PHF21B: variants seen among roughly 807,000 people sequenced by gnomAD.
PHF21B encodes PHD finger protein 21B.
In PHF21B, 22 loss-of-function variants were observed where a neutral mutation model predicts 62.2. That is an observed-to-expected ratio of 0.35 (90% CI 0.25 to 0.51). The LOEUF (loss-of-function observed/expected upper bound fraction) is 0.51, where lower values mean the gene tolerates loss of function less well. Among genes scored for constraint, PHF21B ranks in the 20% least tolerant of loss-of-function variants. The pLI, the probability that PHF21B is intolerant of heterozygous loss-of-function variation, is 0.97. For synonymous variants in PHF21B, 341 were observed against 314.7 expected (o/e 1.08, Z -0.88); for missense variants, 701 against 707.9 (o/e 0.99, Z 0.11).
intron 2 of PHF21B, among the ~76,000 whole-genome samples, chr22:44,963,359 T>G (rs1201562738): frequency 2.6e-5 from 4 of 152,346 alleles, no homozygotes; most frequent in Non-Finnish European, 5.9e-5. Context: ...TGAACTGTGT[T>G]TTGAGGGTAC....
At chr22:44,921,112 C>T (rs1345908998) in intron 2 of PHF21B, among the ~76,000 whole-genome samples, 2 of 152,212 alleles carry the variant, frequency 1.3e-5, no homozygotes, top group South Asian at 2.1e-4. Flanking sequence ...GGGGGAACGG[C>T]CTGGGTGTGC....
intron 2 of PHF21B, among the ~76,000 whole-genome samples, chr22:44,944,694 G>A (rs1048880348): frequency 1.3e-5 from 2 of 152,152 alleles, no homozygotes; most frequent in South Asian, 2.1e-4. Context: ...CCTGGCCTTC[G>A]AACGGGAATG....
rs111238919 is a variant in PHF21B, at chr22:44,913,800, C to T, written c.831+22G>A. The T allele has an allele frequency of 5.8e-3, 9,257 of 1,604,336 alleles. 49 individuals are homozygous for T. The highest frequency in any genetic ancestry group is 8.9e-3 in the South Asian group (799 of 89,308). ...CCTGCAGACTGAGCAGGGCCTGGGC[C>T]CTCCGGAGAGGCCTGTCCTACCTCG... On this transcript the variant is annotated intron_variant, in intron 5 of 12. Coordinates refer to ENST00000313237, the MANE Select transcript of PHF21B (RefSeq NM_138415.5).
chr22:44,932,545 A>T (rs1203037428), intron 2 of PHF21B, among the ~76,000 whole-genome samples: 1 of 152,196 alleles, frequency 6.6e-6, no homozygotes, highest in African/African-American at 2.4e-5. Context: ...TGTAAAATAG[A>T]CGGTCATTGA....
At chr22:44,896,133 T>C in intron 5 of PHF21B, 50 bp from the exon 6 acceptor site, 7 of 1,602,302 alleles carry the variant, frequency 4.4e-6, no homozygotes, top group Non-Finnish European at 6.0e-6. Flanking sequence ...TCAAAGTTCA[T>C]TCATGCACTC....
chr22:44,962,603 A>C (rs545698415), intron 2 of PHF21B, among the ~76,000 whole-genome samples: 1 of 152,336 alleles, frequency 6.6e-6, no homozygotes, highest in Admixed American at 6.5e-5. Flanking sequence ...TAGTAAGTGA[A>C]ACCATCATCA....
At chr22:44,960,944 T>G (rs2072405588) in intron 2 of PHF21B, among the ~76,000 whole-genome samples, 1 of 141,950 alleles carries the variant, frequency 7.0e-6, no homozygotes, top group Non-Finnish European at 1.5e-5. Flanking sequence ...CCCTTCAAAA[T>G]CACGTGAGTT....
At chr22:44,983,844 C>G (rs1336006792) in intron 2 of PHF21B, among the ~76,000 whole-genome samples, 2 of 152,018 alleles carry the variant, frequency 1.3e-5, no homozygotes, top group East Asian at 3.9e-4. Context: ...TTTGCATAAG[C>G]CTTTATAGCT....
At chr22:44,889,418 C>G (rs957285535) in intron 9 of PHF21B, among the ~76,000 whole-genome samples, 1 of 152,208 alleles carries the variant, frequency 6.6e-6, no homozygotes, top group Non-Finnish European at 1.5e-5. Flanking sequence ...CCAGGTCACA[C>G]TGAGGCCAGT....
chr22:44,919,523 T>C (rs919044499), intron 3 of PHF21B, among the ~76,000 whole-genome samples: 3 of 152,164 alleles, frequency 2.0e-5, no homozygotes, highest in African/African-American at 4.8e-5. Context: ...AAGTGGGCAC[T>C]TGGGGAAAGT....
chr22:44,973,491 G>T (rs1199480302), intron 2 of PHF21B, among the ~76,000 whole-genome samples: 1 of 152,212 alleles, frequency 6.6e-6, no homozygotes, highest in African/African-American at 2.4e-5. Flanking sequence ...CTGGAGCCAG[G>T]AACTGGGAGG....
At chr22:44,997,694 C>T (rs750725638) in intron 2 of PHF21B, among the ~76,000 whole-genome samples, 1 of 152,124 alleles carries the variant, frequency 6.6e-6, no homozygotes, top group Non-Finnish European at 1.5e-5. Flanking sequence ...ATTGGCTTTC[C>T]GCCTGAATGA....
intron 2 of PHF21B, among the ~76,000 whole-genome samples, chr22:44,962,926 A>T (rs940296900): frequency 4.6e-5 from 7 of 152,204 alleles, no homozygotes; most frequent in Non-Finnish European, 8.8e-5. Flanking sequence ...TTCTCTTCCA[A>T]GCACCATGAT....
chr22:45,003,748 G>A (rs562409260), intron 2 of PHF21B: 1 of 152,328 alleles, frequency 6.6e-6, no homozygotes, highest in Admixed American at 6.5e-5. Flanking sequence ...CAGGCCAAAC[G>A]TCCACTCGTG....
At chr22:44,995,473 G>C (rs2073104797) in intron 2 of PHF21B, among the ~76,000 whole-genome samples, 1 of 152,258 alleles carries the variant, frequency 6.6e-6, no homozygotes, top group Middle Eastern at 3.4e-3. Flanking sequence ...TTATCTAAAT[G>C]AGAGATAAGC....
chr22:44,928,904 C>A (rs1489957878), intron 2 of PHF21B, among the ~76,000 whole-genome samples: 2 of 152,238 alleles, frequency 1.3e-5, no homozygotes. Context: ...GCTGAGGCCC[C>A]ACTGCCGGGG....
chr22:44,973,458 C>G (rs2147454840), intron 2 of PHF21B, among the ~76,000 whole-genome samples: 1 of 152,310 alleles, frequency 6.6e-6, no homozygotes, highest in South Asian at 2.1e-4. Flanking sequence ...CAGAGAACCA[C>G]AGCTCACAGT....
At chr22:44,956,942 A>G (rs1219747108) in intron 2 of PHF21B, among the ~76,000 whole-genome samples, 2 of 152,064 alleles carry the variant, frequency 1.3e-5, no homozygotes, top group East Asian at 3.9e-4. Flanking sequence ...GGCCACATCC[A>G]CTCACCAACC....
rs764806219 is a variant in PHF21B, at chr22:45,009,591, G to T, written c.-42C>A. 6.6e-7 allele frequency: 1 copy of T among 1,520,640 alleles called. No individual in the cohort carries two copies. Among genetic ancestry groups the T allele is most frequent in the Non-Finnish European group, 8.7e-7 (1 of 1,145,900 alleles). The allele number at this position is 1,520,640 out of a possible 1,614,324, so 94.2% of individuals were successfully genotyped here. ...GCACTTTGCGCTCACTTTGGCCCGG[G>T]CTCCCGGGAAGTTGCGCGGCTCCGC... On this transcript the variant is annotated 5_prime_UTR_variant, in exon 1 of 13. Transcript: ENST00000313237. The surrounding 1 kb of genome is among the most constrained non-coding windows in gnomAD (Gnocchi z 5.9).
Sources: allele counts gnomAD v4.1 joint callset (sites outside exome capture counted in the v4.1 genomes callset), GRCh38; gene constraint gnomAD v4.1.1; non-coding constraint Gnocchi (gnomAD v3.1); transcripts MANE v1.5; gene names NCBI Gene and HGNC (gene_info 2026-07-23, HGNC 2026-07-21).